RALY: variants seen among roughly 807,000 people sequenced by gnomAD.
RALY encodes RNA-binding protein Raly.
In RALY, 15 loss-of-function variants were observed where a neutral mutation model predicts 30.7. The ratio of observed to expected loss-of-function variants is 0.49; its 90% CI spans 0.33 to 0.75. The LOEUF (loss-of-function observed/expected upper bound fraction) is 0.75. Among genes scored for constraint, RALY ranks in the 30% least tolerant of loss-of-function variants. The probability of loss-of-function intolerance (pLI) is 0.02; values close to 1 mark genes in which losing one functional copy is unlikely to be tolerated. For synonymous variants in RALY, 177 were observed against 170.8 expected (o/e 1.04, Z -0.28); for missense variants, 339 against 414.3 (o/e 0.82, Z 1.58).
At chr20:34,076,859 A>G in intron 7 of RALY, 44 bp downstream of exon 7, 3 of 1,603,096 alleles carry the variant, frequency 1.9e-6, no homozygotes, top group Non-Finnish European at 2.6e-6. Context: ...ACCAGGGCAC[A>G]GGGCAGAGCA....
At chr20:34,017,983 C>G (rs531268073) in intron 1 of RALY, among the ~76,000 whole-genome samples, 8 of 152,220 alleles carry the variant, frequency 5.3e-5, no homozygotes, top group African/African-American at 1.7e-4. Context: ...TGGGGGTTCT[C>G]CTAGGGGATG....
At chr20:34,028,113 C>T (rs889335768) in intron 1 of RALY, among the ~76,000 whole-genome samples, 1 of 152,048 alleles carries the variant, frequency 6.6e-6, no homozygotes, top group African/African-American at 2.4e-5. Flanking sequence ...TGGTGAAACT[C>T]CGTCTCCACT....
chr20:34,006,148 A>C (rs779857185), intron 1 of RALY, among the ~76,000 whole-genome samples: 29 of 152,246 alleles, frequency 1.9e-4, no homozygotes, highest in Non-Finnish European at 3.7e-4. Context: ...TTTAATATGG[A>C]AAATTTCAAA....
intron 2 of RALY, among the ~76,000 whole-genome samples, chr20:34,036,653 A>G (rs149493225): frequency 1.6e-4 from 25 of 152,344 alleles, no homozygotes; most frequent in African/African-American, 5.3e-4. Flanking sequence ...GTGAAGCCAC[A>G]TGGGCCTGGG....
intron 2 of RALY, among the ~76,000 whole-genome samples, chr20:34,060,234 CCAA>C (rs1297200186): frequency 1.3e-5 from 2 of 152,084 alleles, no homozygotes; most frequent in Admixed American, 6.6e-5. Context: ...ATTGCAGGTT[CCAA>C]CAACAACAAT....
At chr20:34,075,150 C>T (rs1316496127) in intron 5 of RALY, among the ~76,000 whole-genome samples, 4 of 151,980 alleles carry the variant, frequency 2.6e-5, no homozygotes, top group African/African-American at 7.3e-5. Flanking sequence ...GATTGAGCTG[C>T]CCAACCTTGA....
At position 34,072,275 on chromosome 20, in the gene RALY, T is replaced by C; in HGVS notation, c.201T>C (p.His67=). Residue 67 remains histidine, a synonymous_variant, in exon 3 of 10, where the codon CAT becomes CAC. Coordinates refer to ENST00000246194, the MANE Select transcript of RALY (RefSeq NM_016732.3). The part of the protein sequence containing the change: ...YAFVQYSNER[H]ARAAVLGENG... Reference sequence around the variant, plus strand: ...TTGTTCAGTACTCCAATGAGCGCCATGCCCGGGCAGCTGTGCTGGGAGAGA... The same window carrying C: ...TTGTTCAGTACTCCAATGAGCGCCACGCCCGGGCAGCTGTGCTGGGAGAGA... 6.2e-7 allele frequency: 1 copy of C among 1,614,132 alleles called. No individual in the cohort carries two copies. Among genetic ancestry groups the C allele is most frequent in the Non-Finnish European group, 8.5e-7 (1 of 1,180,048 alleles).
At chr20:34,012,336 A>G (rs2031435419) in intron 1 of RALY, among the ~76,000 whole-genome samples, 1 of 152,184 alleles carries the variant, frequency 6.6e-6, no homozygotes, top group Non-Finnish European at 1.5e-5. Context: ...CACTAGCATC[A>G]GATTGACCTT....
intron 1 of RALY, among the ~76,000 whole-genome samples, chr20:34,009,237 T>TTTTTG (rs1568652046): frequency 2.6e-5 from 4 of 151,818 alleles, no homozygotes; most frequent in South Asian, 2.1e-4. Context: ...GTGTGGTTTT[T>TTTTTG]TTTTGTTTTG....
At chr20:34,067,107 T>G (rs1034062803) in intron 2 of RALY, among the ~76,000 whole-genome samples, 3 of 152,186 alleles carry the variant, frequency 2.0e-5, no homozygotes, top group African/African-American at 7.2e-5. Context: ...TATCTCAGTT[T>G]CCCTATGTCA....
chr20:34,002,975 T>G (rs2030987416), intron 1 of RALY, among the ~76,000 whole-genome samples: 1 of 152,224 alleles, frequency 6.6e-6, no homozygotes, highest in Admixed American at 6.5e-5. Context: ...ATTTGATAAT[T>G]GTGTTTATAT....
intron 2 of RALY, among the ~76,000 whole-genome samples, chr20:34,055,858 TGG>T (rs1299048696): frequency 3.9e-5 from 6 of 152,356 alleles, no homozygotes; most frequent in African/African-American, 1.4e-4. Flanking sequence ...AATGGATCCA[TGG>T]GCACTATTGG....
chr20:34,058,211 T>A (rs1376412952), intron 2 of RALY, among the ~76,000 whole-genome samples: 1 of 152,126 alleles, frequency 6.6e-6, no homozygotes. Flanking sequence ...AGGCATTGGG[T>A]GTGTTATACC....
chr20:34,057,279 TG>T (rs1416525677), intron 2 of RALY, among the ~76,000 whole-genome samples: 2 of 151,892 alleles, frequency 1.3e-5, no homozygotes, highest in Non-Finnish European at 2.9e-5. Flanking sequence ...CATAGAGGGG[TG>T]GGGGTTAGAT....
At chr20:34,037,924 T>C (rs958443260) in intron 2 of RALY, among the ~76,000 whole-genome samples, 1 of 152,160 alleles carries the variant, frequency 6.6e-6, no homozygotes, top group African/African-American at 2.4e-5. Context: ...GGAGCGGGTA[T>C]CTGTGGGGGA....
At chr20:34,008,862 G>C (rs2031278890) in intron 1 of RALY, among the ~76,000 whole-genome samples, 3 of 152,110 alleles carry the variant, frequency 2.0e-5, no homozygotes, top group Admixed American at 2.0e-4. Context: ...TTATTACTTT[G>C]TTACCCAGGC....
At chr20:34,064,496 G>A (rs915597313) in intron 2 of RALY, among the ~76,000 whole-genome samples, 2 of 152,150 alleles carry the variant, frequency 1.3e-5, no homozygotes, top group African/African-American at 4.8e-5. Context: ...CTCTTGGCTG[G>A]TGGTTCCGTC....
In RALY at chr20:33,998,088, C is replaced by G. The variant is rs139749872; in HGVS notation, c.-93+3957C>G. Among the ~76,000 whole-genome samples the G allele has an allele frequency of 3.2e-4, 48 of 152,322 alleles. No individual in the cohort carries two copies. In the East Asian group the frequency reaches 6.6e-3, roughly 21 times the overall value. ...TGAGATTGTCTTTCTTTGGATACCT[C>G]ATTTTTGGAAAGTTTTTCATTCACT... On this transcript the variant is annotated intron_variant, in intron 1 of 9. Coordinates refer to ENST00000246194, the MANE Select transcript of RALY (RefSeq NM_016732.3).
intron 2 of RALY, among the ~76,000 whole-genome samples, chr20:34,058,702 A>G (rs1033656153): frequency 5.3e-5 from 8 of 152,158 alleles, no homozygotes; most frequent in African/African-American, 1.9e-4. Context: ...GTTTAATGAG[A>G]TGTCCAAGGT....
Sources: gnomAD v4.1 joint callset for allele counts (sites outside exome capture counted in the v4.1 genomes callset) on GRCh38, gnomAD v4.1.1 for gene constraint, MANE v1.5 for transcripts, NCBI Gene and HGNC (gene_info 2026-07-23, HGNC 2026-07-21) for gene names.